The following LYPD6 variants were observed in gnomAD, a reference collection of about 807,000 sequenced individuals.
LYPD6 encodes the protein LY6/PLAUR domain containing 6.
In LYPD6, 15 loss-of-function variants were observed where a neutral mutation model predicts 22.7. The observed-to-expected ratio is 0.66, with a 90% CI of 0.44 to 1.02. The LOEUF (loss-of-function observed/expected upper bound fraction) is 1.02. LYPD6 is among the 50% of genes least tolerant of loss of function. The probability of loss-of-function intolerance (pLI) is 0.00; values close to 1 mark genes in which losing one functional copy is unlikely to be tolerated. For missense variants in LYPD6, 189 were observed against 208.4 expected, an observed-to-expected ratio of 0.91 and a Z score of 0.57; for synonymous variants, 72 against 77.5, an observed-to-expected ratio of 0.93 and a Z score of 0.37.
intron 3 of LYPD6, among the ~76,000 whole-genome samples, chr2:149,452,236 G>A (rs993183020): frequency 5.9e-5 from 9 of 152,154 alleles, no homozygotes; most frequent in African/African-American, 2.2e-4. Context: ...TGATTTTTGT[G>A]GGGCCTTGAG....
intron 2 of LYPD6, among the ~76,000 whole-genome samples, chr2:149,442,341 G>A (rs990808765): frequency 6.6e-6 from 1 of 152,104 alleles, no homozygotes; most frequent in Non-Finnish European, 1.5e-5. Flanking sequence ...TTCTGATACC[G>A]TACAAATAAA....
At chr2:149,460,394 C>T (rs1681062883) in intron 3 of LYPD6, among the ~76,000 whole-genome samples, 2 of 151,958 alleles carry the variant, frequency 1.3e-5, no homozygotes, top group African/African-American at 2.4e-5. Flanking sequence ...CAGAGAGGAA[C>T]ATTATAGCAT....
intron 1 of LYPD6, among the ~76,000 whole-genome samples, chr2:149,332,208 T>C (rs1239423897): frequency 6.6e-6 from 1 of 152,246 alleles, no homozygotes; most frequent in African/African-American, 2.4e-5. Flanking sequence ...CTTGTTTAAA[T>C]AGAGGTTTAT....
downstream of LYPD6, among the ~76,000 whole-genome samples, chr2:149,475,790 C>T (rs1344384708): frequency 1.3e-5 from 2 of 152,116 alleles, no homozygotes; most frequent in Non-Finnish European, 2.9e-5. Flanking sequence ...TTTTATATAC[C>T]TTGCTTCGGT....
At chr2:149,445,767 C>CA (rs1167372196) in intron 2 of LYPD6, among the ~76,000 whole-genome samples, 3 of 152,194 alleles carry the variant, frequency 2.0e-5, no homozygotes, top group Non-Finnish European at 4.4e-5. Flanking sequence ...CCAGACCACT[C>CA]AAACTTTCTC....
intron 1 of LYPD6, among the ~76,000 whole-genome samples, chr2:149,391,202 C>G (rs1682300232): frequency 6.6e-6 from 1 of 152,270 alleles, no homozygotes; most frequent in African/African-American, 2.4e-5. Context: ...CTGCCAGACG[C>G]TGACATGGTC....
At chr2:149,436,744 A>C (rs188101098) in intron 1 of LYPD6, among the ~76,000 whole-genome samples, 1 of 151,926 alleles carries the variant, frequency 6.6e-6, no homozygotes, top group Non-Finnish European at 1.5e-5. Flanking sequence ...ACCACACCCA[A>C]CTAATTTTTT....
At chr2:149,357,129 A>G (rs1681463996) in intron 1 of LYPD6, among the ~76,000 whole-genome samples, 1 of 152,254 alleles carries the variant, frequency 6.6e-6, no homozygotes, top group African/African-American at 2.4e-5. Context: ...GAGTTGCAGT[A>G]GAATTTTAAG....
chr2:149,343,181 A>G (rs1681193882), intron 1 of LYPD6, among the ~76,000 whole-genome samples: 1 of 152,168 alleles, frequency 6.6e-6, no homozygotes, highest in African/African-American at 2.4e-5. Context: ...GCTTCTGGGC[A>G]GTTCTGGCAT....
downstream of LYPD6, among the ~76,000 whole-genome samples, chr2:149,478,540 C>T (rs1439666226): frequency 1.3e-5 from 2 of 152,134 alleles, no homozygotes; most frequent in East Asian, 3.9e-4. Flanking sequence ...CCACCTGCCT[C>T]AGCCTCCTAA....
intron 1 of LYPD6, among the ~76,000 whole-genome samples, chr2:149,429,552 T>C (rs1272628617): frequency 6.6e-6 from 1 of 152,252 alleles, no homozygotes. Flanking sequence ...TGAGCTGAAC[T>C]GTAATTTCTA....
At chr2:149,377,649 A>C (rs1681955719) in intron 1 of LYPD6, among the ~76,000 whole-genome samples, 1 of 152,158 alleles carries the variant, frequency 6.6e-6, no homozygotes, top group East Asian at 1.9e-4. Context: ...GTGTGGTGGC[A>C]CACACCTATA....
intron 1 of LYPD6, among the ~76,000 whole-genome samples, chr2:149,362,158 TCGAGCTA>T (rs1367675531): frequency 6.6e-6 from 1 of 152,162 alleles, no homozygotes; most frequent in East Asian, 1.9e-4. Flanking sequence ...TGTGTAAGTT[TCGAGCTA>T]CTAATTTTGT....
intron 3 of LYPD6, among the ~76,000 whole-genome samples, chr2:149,466,644 G>T (rs1445586729): frequency 3.3e-5 from 5 of 152,158 alleles, no homozygotes; most frequent in Non-Finnish European, 5.9e-5. Flanking sequence ...AGAAAAGTAT[G>T]AACAAAGAAG....
At chr2:149,409,101 C>T (rs1297543523) in intron 1 of LYPD6, among the ~76,000 whole-genome samples, 3 of 152,098 alleles carry the variant, frequency 2.0e-5, no homozygotes, top group South Asian at 2.1e-4. Flanking sequence ...TGGGGTGCTC[C>T]CTTGATGTGG....
chr2:149,418,393 G>A (rs890885396), intron 1 of LYPD6, among the ~76,000 whole-genome samples: 1 of 151,450 alleles, frequency 6.6e-6, no homozygotes, highest in Non-Finnish European at 1.5e-5. Context: ...CAAGGATGTT[G>A]CTCACGCATT....
intron 1 of LYPD6, among the ~76,000 whole-genome samples, chr2:149,345,998 GT>G (rs757848320): frequency 8.6e-5 from 13 of 151,990 alleles, no homozygotes; most frequent in Non-Finnish European, 1.9e-4. Flanking sequence ...TGATGCCTTA[GT>G]TTACTAGTCT....
At chr2:149,342,541 A>G (rs1268010184) in intron 1 of LYPD6, among the ~76,000 whole-genome samples, 4 of 152,164 alleles carry the variant, frequency 2.6e-5, no homozygotes, top group Non-Finnish European at 4.4e-5. Context: ...AATATAGCAA[A>G]TTTACTATGT....
At position 149,470,645 on chromosome 2, in the gene LYPD6, CT is replaced by C. The variant is rs745475827; in HGVS notation, c.349-37del. 3 of 1,590,506 alleles carry C rather than the reference CT, an allele frequency of 1.9e-6. No homozygotes were observed. The African/African-American group carries it at 4.0e-5, about 21-fold the overall frequency. ...AAACCCTGCCTCCTTCCAAGACATGCTGGCTTCTCATTATCTTTTTTTCTTC... is the reference window on the plus strand; with the variant it reads ...AAACCCTGCCTCCTTCCAAGACATGCGGCTTCTCATTATCTTTTTTTCTTC... On this transcript the variant is annotated intron_variant, in intron 4 of 4. Coordinates refer to ENST00000334166, the MANE Select transcript of LYPD6 (RefSeq NM_194317.5).
Sources: gnomAD v4.1 joint callset for allele counts (sites outside exome capture counted in the v4.1 genomes callset) on GRCh38, gnomAD v4.1.1 for gene constraint, MANE v1.5 for transcripts, NCBI Gene and HGNC (gene_info 2026-07-23, HGNC 2026-07-21) for gene names.